CSMD1: variants seen among roughly 807,000 people sequenced by gnomAD.
The protein encoded by CSMD1 is CUB and sushi domain-containing protein 1.
In CSMD1, 213 loss-of-function variants were observed where a neutral mutation model predicts 417.5. The ratio of observed to expected loss-of-function variants is 0.51; its 90% confidence interval spans 0.46 to 0.57. The LOEUF (loss-of-function observed/expected upper bound fraction) is 0.57, where lower values mean the gene tolerates loss of function less well. Among genes scored for constraint, CSMD1 ranks in the 20% least tolerant of loss-of-function variants. The pLI, the probability that CSMD1 is intolerant of heterozygous loss-of-function variation, is 0.00. For synonymous variants in CSMD1, 2,862 were observed against 1,736.8 expected (o/e 1.65, Z -16.11); for missense variants, 6,923 against 4,529.7 (o/e 1.53, Z -15.17).
chr8:4,131,756 CTTTTTTTTTTT>C (rs10650865), intron 3 of CSMD1, among the ~76,000 whole-genome samples: 5 of 87,436 alleles, frequency 5.7e-5, no homozygotes, highest in Admixed American at 5.2e-4. Flanking sequence ...ACAAATGTGA[CTTTTTTTTTTT>C]TTTTTTTTTT....
chr8:3,998,972 AAAT>A (rs1815444565), intron 4 of CSMD1, among the ~76,000 whole-genome samples: 2 of 147,348 alleles, frequency 1.4e-5, no homozygotes, highest in Admixed American at 6.8e-5. Context: ...GTTTATATAT[AAAT>A]AACATAAACT....
At chr8:4,147,168 CT>C (rs748624175) in intron 3 of CSMD1, among the ~76,000 whole-genome samples, 4 of 152,082 alleles carry the variant, frequency 2.6e-5, no homozygotes, top group Non-Finnish European at 4.4e-5. Context: ...CTCTCCCCCC[CT>C]GCCCCCACCA....
intron 3 of CSMD1, among the ~76,000 whole-genome samples, chr8:4,244,366 G>A (rs911267857): frequency 2.6e-5 from 4 of 152,126 alleles, no homozygotes; most frequent in Admixed American, 2.0e-4. Context: ...TAGGTAGAAA[G>A]ACCTAGAAAC....
intron 18 of CSMD1, among the ~76,000 whole-genome samples, chr8:3,383,234 G>A (rs1304116342): frequency 6.6e-6 from 1 of 152,146 alleles, no homozygotes; most frequent in African/African-American, 2.4e-5. Flanking sequence ...ATCACAAATC[G>A]CATCAAATTG....
intron 26 of CSMD1, among the ~76,000 whole-genome samples, chr8:3,250,510 A>T (rs185708762): frequency 2.8e-3 from 419 of 152,328 alleles, no homozygotes; most frequent in Non-Finnish European, 4.4e-3. Flanking sequence ...ATAGTGCCGC[A>T]ATAAACATAC....
rs150378122 is a variant in CSMD1 at position 4,797,578 on chromosome 8, C to T, written c.86-160020G>A. Among the ~76,000 whole-genome samples the T allele has an allele frequency of 3.9e-4, 59 of 152,022 alleles. 1 individual carries two copies. The highest frequency in any genetic ancestry group is 1.1e-3 in the African/African-American group (44 of 41,456). The stretch of plus-strand genomic sequence containing the variant: ...CAAAAATAAGTACAATATAAAAGTA[C>T]GAAATTATTCCAGGGTATGGGGGGA... On this transcript the variant is annotated intron_variant, in intron 1 of 69. Transcript: ENST00000635120.
At chr8:3,168,632 C>T (rs1241951170) in intron 37 of CSMD1, among the ~76,000 whole-genome samples, 1 of 56,022 alleles carries the variant, frequency 1.8e-5, no homozygotes, top group Non-Finnish European at 3.0e-5. Context: ...AAGTCTTCAT[C>T]ACACACACAC....
At chr8:4,942,598 T>C (rs1345485961) in intron 1 of CSMD1, among the ~76,000 whole-genome samples, 1 of 152,252 alleles carries the variant, frequency 6.6e-6, no homozygotes, top group African/African-American at 2.4e-5. Flanking sequence ...GACTAAGTCA[T>C]CAAGAACTAA....
At chr8:4,042,997 T>G (rs1314048660) in intron 3 of CSMD1, among the ~76,000 whole-genome samples, 1 of 151,372 alleles carries the variant, frequency 6.6e-6, no homozygotes, top group Non-Finnish European at 1.5e-5. Flanking sequence ...CTGGGTGTGG[T>G]GACTTGCACC....
intron 3 of CSMD1, among the ~76,000 whole-genome samples, chr8:4,095,921 T>C (rs1269948149): frequency 6.6e-6 from 1 of 152,210 alleles, no homozygotes; most frequent in South Asian, 2.1e-4. Context: ...GTTTCAGTTA[T>C]TTAAATGTAT....
intron 26 of CSMD1, among the ~76,000 whole-genome samples, chr8:3,249,262 C>T (rs966371285): frequency 2.0e-5 from 3 of 152,116 alleles, no homozygotes; most frequent in African/African-American, 4.8e-5. Flanking sequence ...CACTCTGTTG[C>T]CCAGTCTGGA....
At chr8:3,425,628 A>G (rs1317289505) in intron 12 of CSMD1, among the ~76,000 whole-genome samples, 1 of 150,516 alleles carries the variant, frequency 6.6e-6, no homozygotes, top group South Asian at 2.1e-4. Context: ...AGGAAAAAAA[A>G]GGAAATGCCC....
intron 52 of CSMD1, among the ~76,000 whole-genome samples, chr8:3,001,944 A>C (rs1368251482): frequency 7.1e-6 from 1 of 141,230 alleles, no homozygotes; most frequent in African/African-American, 3.2e-5. Flanking sequence ...CAAAGTTTAG[A>C]AACATTGTGT....
chr8:4,381,241 G>T lies in CSMD1; in HGVS notation c.415+38712C>A, dbSNP rs187053163. Among the ~76,000 whole-genome samples, 10 of 152,276 alleles carry T rather than the reference G, an allele frequency of 6.6e-5. No homozygotes were observed. In the East Asian group the frequency reaches 1.9e-3, roughly 29 times the overall value. ...AAATGCTGTCCCAGTGAGATTAGGG[G>T]AGCATCTGAGTGAGGAATAAAGGCG... On this transcript the variant is annotated intron_variant, in intron 3 of 69. Transcript: ENST00000635120.
chr8:4,049,203 T>C (rs954049754), intron 3 of CSMD1, among the ~76,000 whole-genome samples: 1 of 152,122 alleles, frequency 6.6e-6, no homozygotes, highest in Non-Finnish European at 1.5e-5. Context: ...CGTCTTTCTC[T>C]ATCTATTCTG....
chr8:3,240,692 C>A (rs1444961044), intron 26 of CSMD1, among the ~76,000 whole-genome samples: 1 of 151,996 alleles, frequency 6.6e-6, no homozygotes, highest in Non-Finnish European at 1.5e-5. Context: ...GTAAAGAAAG[C>A]AGGTTTGAGA....
chr8:4,845,118 C>G (rs1801059910), intron 1 of CSMD1, among the ~76,000 whole-genome samples: 1 of 152,086 alleles, frequency 6.6e-6, no homozygotes, highest in Admixed American at 6.5e-5. Context: ...CTCCCCTAAG[C>G]AGTTTTATTA....
chr8:4,239,418 A>G (rs969586038), intron 3 of CSMD1, among the ~76,000 whole-genome samples: 2 of 151,920 alleles, frequency 1.3e-5, no homozygotes, highest in Non-Finnish European at 1.5e-5. Context: ...ATTCATCTTA[A>G]CTCGTCTTTC....
rs535789378 is a variant in CSMD1, at chr8:4,415,159, G to A, written c.415+4794C>T. Among the ~76,000 whole-genome samples the A allele has an allele frequency of 2.3e-3, 351 of 152,120 alleles. 1 individual carries two copies. Among genetic ancestry groups the A allele is most frequent in the Non-Finnish European group, 4.0e-3 (275 of 67,992 alleles). ...TTCTACCCTTCAGATAGGGCAGAAA[G>A]GCTCAGCTCCAGGCTCTCTGAGCTC... On this transcript the variant is annotated intron_variant, in intron 3 of 69. Coordinates refer to ENST00000635120, the MANE Select transcript of CSMD1 (RefSeq NM_033225.6).
Sources: gnomAD v4.1 joint callset for allele counts (sites outside exome capture counted in the v4.1 genomes callset) on GRCh38, gnomAD v4.1.1 for gene constraint, MANE v1.5 for transcripts, NCBI Gene and HGNC (gene_info 2026-07-23, HGNC 2026-07-21) for gene names.